Variants in ZNF407 observed in about 807,000 individuals in gnomAD.
ZNF407 encodes zinc finger protein 407.
In ZNF407, 17 loss-of-function variants were observed where a neutral mutation model predicts 131.2. The ratio of observed to expected loss-of-function variants is 0.13; its 90% CI spans 0.09 to 0.19. ZNF407 has a LOEUF of 0.19. Among genes scored for constraint, ZNF407 ranks in the 10% least tolerant of loss-of-function variants. ZNF407 has a pLI of 1.00. For missense variants in ZNF407, 2,681 were observed against 2,830.6 expected, an observed-to-expected ratio of 0.95 and a Z score of 1.20; for synonymous variants, 1,156 against 1,062.0, an observed-to-expected ratio of 1.09 and a Z score of -1.72.
chr18:74,756,515 T>A (rs1269977730), intron 3 of ZNF407, among the ~76,000 whole-genome samples: 5 of 152,232 alleles, frequency 3.3e-5, no homozygotes, highest in African/African-American at 9.6e-5. Flanking sequence ...GTTTTCAATG[T>A]ATGTCTTCCA....
chr18:74,853,415 A>G (rs904388988), intron 4 of ZNF407, among the ~76,000 whole-genome samples: 1 of 152,178 alleles, frequency 6.6e-6, no homozygotes, highest in Non-Finnish European at 1.5e-5. Context: ...CCACTCAGGA[A>G]CACATCCTGC....
At chr18:74,619,760 A>G (rs1983442205) in intron 1 of ZNF407, among the ~76,000 whole-genome samples, 1 of 152,228 alleles carries the variant, frequency 6.6e-6, no homozygotes, top group African/African-American at 2.4e-5. Context: ...AGGAAGAAGA[A>G]TTTATACAGC....
intron 3 of ZNF407, among the ~76,000 whole-genome samples, chr18:74,681,126 C>A (rs1358110417): frequency 1.3e-5 from 2 of 152,132 alleles, no homozygotes; most frequent in Non-Finnish European, 2.9e-5. Context: ...GAGGAGATTT[C>A]ATTTCGCTTT....
chr18:74,659,606 A>G (rs1985624298), intron 3 of ZNF407, among the ~76,000 whole-genome samples: 1 of 152,146 alleles, frequency 6.6e-6, no homozygotes, highest in African/African-American at 2.4e-5. Context: ...GACTCTTTTA[A>G]TGATTATATT....
chr18:75,021,401 C>G (rs9948530), intron 8 of ZNF407, among the ~76,000 whole-genome samples: 113,316 of 151,882 alleles, frequency 0.75, 43,420 homozygotes, highest in Non-Finnish European at 0.83. Flanking sequence ...TCCTGAGTAG[C>G]TGGTACCACA....
chr18:74,784,627 T>G (rs1281505229), intron 4 of ZNF407, among the ~76,000 whole-genome samples: 2 of 152,238 alleles, frequency 1.3e-5, no homozygotes, highest in Non-Finnish European at 2.9e-5. Flanking sequence ...CCTACACACT[T>G]AAATTCAAAC....
At position 74,902,599 on chromosome 18, in the gene ZNF407, T is replaced by C. The variant is rs1971542219; in HGVS notation, c.5249+12561T>C. Among the ~76,000 whole-genome samples, 3 of 152,320 alleles carry C rather than the reference T, an allele frequency of 2.0e-5. No individual in the cohort carries two copies. In the South Asian group the frequency reaches 6.2e-4, roughly 32 times the overall value. Reference sequence around the variant, plus strand: ...GACATAGATTATTACATAAATTCAGTGGTCCCTCATCGTCAGTGACTCTTC... The same window carrying C: ...GACATAGATTATTACATAAATTCAGCGGTCCCTCATCGTCAGTGACTCTTC... On this transcript the variant is annotated intron_variant, in intron 7 of 8. Transcript: ENST00000299687.
intron 8 of ZNF407, among the ~76,000 whole-genome samples, chr18:74,997,428 G>C (rs532548070): frequency 3.3e-4 from 51 of 152,258 alleles, no homozygotes; most frequent in African/African-American, 1.2e-3. Flanking sequence ...AAAGGGAACT[G>C]CTTGTTCAGG....
intron 4 of ZNF407, among the ~76,000 whole-genome samples, chr18:74,851,695 G>A (rs1289275146): frequency 6.6e-6 from 1 of 152,046 alleles, no homozygotes; most frequent in Non-Finnish European, 1.5e-5. Context: ...TATTCCACTG[G>A]CCAGCAGATT....
chr18:74,979,575 A>C (rs960754699), intron 8 of ZNF407, among the ~76,000 whole-genome samples: 2 of 152,196 alleles, frequency 1.3e-5, no homozygotes, highest in African/African-American at 4.8e-5. Context: ...TACAGGCGTG[A>C]GCCACCGCAC....
chr18:74,764,682 A>T (rs1447694000), intron 3 of ZNF407, among the ~76,000 whole-genome samples: 1 of 152,198 alleles, frequency 6.6e-6, no homozygotes, highest in Non-Finnish European at 1.5e-5. Flanking sequence ...CCCCTTGAAC[A>T]ATGTGGAAGT....
intron 8 of ZNF407, among the ~76,000 whole-genome samples, chr18:74,923,058 CCT>C (rs1407857696): frequency 2.0e-5 from 3 of 152,078 alleles, no homozygotes; most frequent in African/African-American, 7.2e-5. Context: ...TTTGTTTTTC[CCT>C]CTCTAGCAGA....
At chr18:74,905,990 A>G (rs1971590314) in intron 7 of ZNF407, 1 of 152,638 alleles carries the variant, frequency 6.6e-6, no homozygotes, top group Admixed American at 6.5e-5. Context: ...ATATGGTGCC[A>G]TTATTTTTAA....
At chr18:74,834,451 G>C (rs1970528004) in intron 4 of ZNF407, among the ~76,000 whole-genome samples, 2 of 152,188 alleles carry the variant, frequency 1.3e-5, no homozygotes, top group South Asian at 4.1e-4. Context: ...ATTTAGTATA[G>C]ACATCTTTGA....
chr18:74,781,195 C>T (rs1245471935), intron 3 of ZNF407, among the ~76,000 whole-genome samples: 1 of 152,114 alleles, frequency 6.6e-6, no homozygotes, highest in Non-Finnish European at 1.5e-5. Flanking sequence ...TGCTCTTTTG[C>T]TCACTGTTAG....
chr18:74,864,325 T>C (rs1241314071), intron 4 of ZNF407, among the ~76,000 whole-genome samples: 1 of 152,196 alleles, frequency 6.6e-6, no homozygotes, highest in African/African-American at 2.4e-5. Flanking sequence ...GTTTTATTAT[T>C]GGATCATACT....
In ZNF407 at chr18:74,632,749, A is replaced by G. The variant is rs1984192189; in HGVS notation, c.1730A>G (p.His577Arg). ...AGAAGGGACTTAGATGAACATTTGC[A>G]CAGTAACCAGCATCAGCAAACTGCT... ...MSRRDLDEHLHSNQHQQTASV... is the reference protein window; with the variant it reads ...MSRRDLDEHLRSNQHQQTASV... Residue 577 changes from histidine to arginine, a missense_variant, in exon 2 of 9, where the codon CAC becomes CGC. This residue lies in a region of ZNF407 where 1,789 missense variants were observed against 1,748.7 expected (regional missense o/e 1.02). Transcript: ENST00000299687. The G allele has an allele frequency of 1.2e-6, 2 of 1,614,046 alleles. No homozygotes were observed. The highest frequency in any genetic ancestry group is 8.5e-7 in the Non-Finnish European group (1 of 1,179,896).
intron 1 of ZNF407, among the ~76,000 whole-genome samples, chr18:74,628,221 TTTATA>T (rs1983890537): frequency 6.6e-6 from 1 of 152,196 alleles, no homozygotes; most frequent in Non-Finnish European, 1.5e-5. Context: ...TTCAAATACT[TTTATA>T]TTATACATAA....
At position 74,980,025 on chromosome 18, in the gene ZNF407, A is replaced by G. The variant is rs75271971; in HGVS notation, c.5428+59333A>G. Among the ~76,000 whole-genome samples the G allele has an allele frequency of 9.2e-3, 1,399 of 152,280 alleles. 22 individuals are homozygous for G. Among genetic ancestry groups the G allele is most frequent in the African/African-American group, 0.031 (1,279 of 41,546 alleles). ...GGGTCGCAAAGGGAGAAATACTGCG[A>G]ATATTATATTTTATTAAAATAACAG... On this transcript the variant is annotated intron_variant, in intron 8 of 8. Transcript: ENST00000299687.
Sources: allele counts gnomAD v4.1 joint callset (sites outside exome capture counted in the v4.1 genomes callset), GRCh38; gene constraint gnomAD v4.1.1; regional missense constraint gnomAD v4.1.1; transcripts MANE v1.5; gene names NCBI Gene and HGNC (gene_info 2026-07-23, HGNC 2026-07-21).